The following PRR16 variants were observed in gnomAD, a reference collection of about 807,000 sequenced individuals.
PRR16 encodes protein Largen.
A neutral mutation model predicts 18.2 loss-of-function variants in PRR16; 6 were observed. The ratio of observed to expected loss-of-function variants is 0.33; its 90% CI spans 0.18 to 0.65. The LOEUF is 0.65. Among genes scored for constraint, PRR16 ranks in the 30% least tolerant of loss-of-function variants. PRR16 has a pLI of 0.74. For synonymous variants in PRR16, 151 were observed against 147.8 expected (o/e 1.02, Z -0.16); for missense variants, 412 against 376.6 (o/e 1.09, Z -0.78).
At chr5:120,583,762 T>C (rs1256178742) in intron 1 of PRR16, among the ~76,000 whole-genome samples, 1 of 152,128 alleles carries the variant, frequency 6.6e-6, no homozygotes, top group Non-Finnish European at 1.5e-5. Context: ...TGCTGGGCAC[T>C]CAGACTGTAG....
At chr5:120,649,819 ATATTTT>A (rs749824194) in intron 1 of PRR16, among the ~76,000 whole-genome samples, 2 of 152,244 alleles carry the variant, frequency 1.3e-5, no homozygotes, top group African/African-American at 2.4e-5. Context: ...CTTGCTTATT[ATATTTT>A]TATAAGGCAC....
chr5:120,577,388 G>A (rs1233965182), intron 1 of PRR16, among the ~76,000 whole-genome samples: 2 of 151,512 alleles, frequency 1.3e-5, no homozygotes, highest in African/African-American at 4.9e-5. Context: ...AATGATCTTG[G>A]TGCACCCATC....
intron 1 of PRR16, among the ~76,000 whole-genome samples, chr5:120,476,827 A>G (rs941576888): frequency 2.6e-5 from 4 of 152,186 alleles, no homozygotes; most frequent in African/African-American, 9.6e-5. Flanking sequence ...AAAAAATAAA[A>G]AAAAACTTGG....
the PRR16 span, among the ~76,000 whole-genome samples, chr5:120,757,729 T>C: frequency 6.6e-6 from 1 of 152,070 alleles, no homozygotes; most frequent in Non-Finnish European, 1.5e-5. Context: ...ATTGAGATCA[T>C]AGGTTTGGTG....
intron 1 of PRR16, among the ~76,000 whole-genome samples, chr5:120,531,793 T>C (rs566538719): frequency 8.5e-5 from 13 of 152,224 alleles, no homozygotes; most frequent in African/African-American, 3.1e-4. Flanking sequence ...AAATTATAAA[T>C]ATTTAATTTG....
intron 1 of PRR16, among the ~76,000 whole-genome samples, chr5:120,490,182 A>G (rs1749975088): frequency 6.6e-6 from 1 of 151,984 alleles, no homozygotes; most frequent in African/African-American, 2.4e-5. Flanking sequence ...GTATTGCCTG[A>G]ATCTGAACGT....
chr5:120,493,786 A>G (rs13356306), intron 1 of PRR16, among the ~76,000 whole-genome samples: 41,040 of 152,054 alleles, frequency 0.27, 6,780 homozygotes, highest in African/African-American at 0.46. Flanking sequence ...ATAAAATTAT[A>G]TGTAATCTTT....
chr5:120,554,890 G>A lies in PRR16; in HGVS notation c.159+90245G>A, dbSNP rs565880884. 1.3e-4 allele frequency among the ~76,000 whole-genome samples: 20 copies of A among 152,002 alleles called. No individual in the cohort carries two copies. In the South Asian group the frequency reaches 4.1e-3, roughly 32 times the overall value. ...CCTAAACACAGCAGAAGCAGCTACA[G>A]CATATCTTTCTGTGTCTCCACATTC... is the stretch of plus-strand genomic sequence containing the variant. On this transcript the variant is annotated intron_variant, in intron 1 of 1. Coordinates refer to ENST00000407149, the MANE Select transcript of PRR16 (RefSeq NM_001300783.2).
chr5:120,561,376 T>A (rs1752569161), intron 1 of PRR16, among the ~76,000 whole-genome samples: 1 of 152,148 alleles, frequency 6.6e-6, no homozygotes, highest in Non-Finnish European at 1.5e-5. Flanking sequence ...ATTTACTCAC[T>A]GGTCATTCAT....
At chr5:120,754,299 T>TATATAA in the PRR16 span, among the ~76,000 whole-genome samples, 9 of 97,146 alleles carry the variant, frequency 9.3e-5, 1 homozygote, top group Admixed American at 1.6e-4. Flanking sequence ...TAATATATAA[T>TATATAA]ATATAATATA....
At chr5:120,589,755 A>T (rs1210485669) in intron 1 of PRR16, among the ~76,000 whole-genome samples, 7 of 152,136 alleles carry the variant, frequency 4.6e-5, no homozygotes, top group Non-Finnish European at 1.0e-4. Context: ...TCATGATTCA[A>T]ATTAATTATC....
intron 1 of PRR16, among the ~76,000 whole-genome samples, chr5:120,575,250 T>C (rs1753035183): frequency 6.6e-6 from 1 of 151,496 alleles, no homozygotes; most frequent in African/African-American, 2.4e-5. Flanking sequence ...TGTAAAATAA[T>C]GTTTATAGTA....
chr5:120,490,409 C>T (rs1749986716), intron 1 of PRR16, among the ~76,000 whole-genome samples: 1 of 152,140 alleles, frequency 6.6e-6, no homozygotes, highest in South Asian at 2.1e-4. Context: ...TTTTCGTCTT[C>T]CATCGCTGAT....
the PRR16 span, among the ~76,000 whole-genome samples, chr5:120,757,087 A>T: frequency 6.6e-6 from 1 of 151,878 alleles, no homozygotes; most frequent in Non-Finnish European, 1.5e-5. Flanking sequence ...TACTTTCTTT[A>T]TTGCTTATTT....
chr5:120,539,525 G>T (rs570780869), intron 1 of PRR16, among the ~76,000 whole-genome samples: 9 of 152,020 alleles, frequency 5.9e-5, no homozygotes, highest in South Asian at 2.1e-4. Flanking sequence ...GCTATGGATG[G>T]GAAGAGGGTG....
chr5:120,576,722 C>T (rs542411980), intron 1 of PRR16, among the ~76,000 whole-genome samples: 7 of 152,164 alleles, frequency 4.6e-5, no homozygotes, highest in African/African-American at 1.4e-4. Flanking sequence ...TCAGATCTTC[C>T]TAAGTTTCTA....
At chr5:120,793,348 TAAAA>T in the PRR16 span, among the ~76,000 whole-genome samples, 1 of 149,704 alleles carries the variant, frequency 6.7e-6, no homozygotes, top group Admixed American at 6.7e-5. Flanking sequence ...AAAAATAAAA[TAAAA>T]AGAAAAAAAA....
the PRR16 span, among the ~76,000 whole-genome samples, chr5:120,786,976 G>T: frequency 6.6e-6 from 1 of 152,070 alleles, no homozygotes; most frequent in South Asian, 2.1e-4. Context: ...CAAAAAGTGA[G>T]TAAAACTTAT....
intron 1 of PRR16, among the ~76,000 whole-genome samples, chr5:120,515,944 A>G (rs1212922742): frequency 6.6e-6 from 1 of 152,200 alleles, no homozygotes; most frequent in Non-Finnish European, 1.5e-5. Flanking sequence ...AGCCTCACCT[A>G]AAATATCTAT....
Sources: gnomAD v4.1 joint callset for allele counts (sites outside exome capture counted in the v4.1 genomes callset) on GRCh38, gnomAD v4.1.1 for gene constraint, MANE v1.5 for transcripts, NCBI Gene and HGNC (gene_info 2026-07-23, HGNC 2026-07-21) for gene names.